Variants in NUP93 observed in about 807,000 individuals in gnomAD.
NUP93 encodes nucleoporin 93, also known as nuclear pore complex protein Nup93.
A neutral mutation model predicts 107.8 loss-of-function variants in NUP93; 55 were observed. That is an observed-to-expected ratio of 0.51 (90% confidence interval 0.41 to 0.64). The LOEUF is 0.64. Among genes scored for constraint, NUP93 ranks in the 30% least tolerant of loss-of-function variants. The pLI, the probability that NUP93 is intolerant of heterozygous loss-of-function variation, is 0.00. For synonymous variants in NUP93, 390 were observed against 397.5 expected, an observed-to-expected ratio of 0.98 and a Z score of 0.22; for missense variants, 937 against 1,044.7, an observed-to-expected ratio of 0.90 and a Z score of 1.42.
chr16:56,739,698 C>T (rs1353242516), intron 1 of NUP93, among the ~76,000 whole-genome samples: 56 of 129,758 alleles, frequency 4.3e-4, no homozygotes, highest in African/African-American at 1.4e-3. Flanking sequence ...CCCTCCCGGA[C>T]GGGGCGGCTG....
chr16:56,830,995 G>GC (rs1474602064), intron 10 of NUP93, among the ~76,000 whole-genome samples: 12 of 152,176 alleles, frequency 7.9e-5, no homozygotes, highest in African/African-American at 2.4e-4. Flanking sequence ...CATCAAGGAT[G>GC]CTTTATAAAA....
chr16:56,770,532 G>C (rs1384556657), intron 3 of NUP93, among the ~76,000 whole-genome samples: 1 of 152,182 alleles, frequency 6.6e-6, no homozygotes, highest in East Asian at 1.9e-4. Flanking sequence ...ACCCCCTCCA[G>C]TCACACAAAT....
At chr16:56,779,145 A>G (rs115098542) in intron 3 of NUP93, among the ~76,000 whole-genome samples, 2 of 152,226 alleles carry the variant, frequency 1.3e-5, no homozygotes, top group East Asian at 1.9e-4. Flanking sequence ...AGAACCTGGC[A>G]GAAGACAGAG....
At chr16:56,801,382 T>A (rs1246147689) in intron 4 of NUP93, among the ~76,000 whole-genome samples, 1 of 152,162 alleles carries the variant, frequency 6.6e-6, no homozygotes, top group Non-Finnish European at 1.5e-5. Context: ...CTGGGGGTGA[T>A]GCAATTAAGG....
chr16:56,819,466 T>A (rs1192436315), intron 6 of NUP93, among the ~76,000 whole-genome samples: 1 of 152,220 alleles, frequency 6.6e-6, no homozygotes, highest in African/African-American at 2.4e-5. Flanking sequence ...CCCTTAAGAT[T>A]ATCCTCCACC....
At chr16:56,745,656 G>A (rs1198231455) in intron 1 of NUP93, among the ~76,000 whole-genome samples, 1 of 152,116 alleles carries the variant, frequency 6.6e-6, no homozygotes, top group Non-Finnish European at 1.5e-5. Context: ...TGAGTTATGG[G>A]GCCATCATGG....
chr16:56,805,333 C>A lies in NUP93; in HGVS notation c.361-171C>A, dbSNP rs1963112318. On this transcript the variant is annotated intron_variant, in intron 4 of 21. Transcript: ENST00000308159. ...AAAATGCTGGGATTACAGGTGTAAA[C>A]CACCACGCTCAGCCAGTAAATTCTT... 6 of 687,366 alleles carry A rather than the reference C, an allele frequency of 8.7e-6. No individual in the cohort carries two copies. The Admixed American group carries it at 1.2e-4, about 14-fold the overall frequency. 42.6% of individuals were successfully genotyped at this position (687,366 alleles called of 1,614,324 possible). A position where few individuals can be genotyped will look rare whatever the true frequency, so the allele number is the denominator to read the frequency against.
chr16:56,766,832 A>G (rs1407729355), intron 3 of NUP93, among the ~76,000 whole-genome samples: 2 of 148,098 alleles, frequency 1.4e-5, no homozygotes, highest in Admixed American at 6.7e-5. Context: ...GATTACATAG[A>G]GGGGAGACCC....
In NUP93 at chr16:56,815,074, A is replaced by G. The variant is rs117977432; in HGVS notation, c.490-3590A>G. On this transcript the variant is annotated intron_variant, in intron 5 of 21. Coordinates refer to ENST00000308159, the MANE Select transcript of NUP93 (RefSeq NM_014669.5). ...AGAGCATTAGGCAAAATTAATTTAA[A>G]TGGAAATTTGAAGGCTGATACCCAG... is the stretch of plus-strand genomic sequence containing the variant. 3.5e-3 allele frequency among the ~76,000 whole-genome samples: 530 copies of G among 152,362 alleles called. 8 individuals are homozygous for G. In the Middle Eastern group the frequency reaches 0.058, roughly 17 times the overall value.
At chr16:56,825,242 G>T in intron 8 of NUP93, among the ~76,000 whole-genome samples, 1 of 126,846 alleles carries the variant, frequency 7.9e-6, no homozygotes, top group Non-Finnish European at 1.6e-5. Flanking sequence ...ATGGAGTTTC[G>T]CTCTTGTTGC....
chr16:56,748,034 T>G, intron 1 of NUP93, 200 bp from the exon 2 acceptor site: 1 of 427,126 alleles, frequency 2.3e-6, no homozygotes, highest in South Asian at 4.2e-5. Context: ...AAATGATCTG[T>G]TTTTTCACAG....
At chr16:56,756,814 G>A (rs1452427665) in intron 2 of NUP93, among the ~76,000 whole-genome samples, 1 of 152,066 alleles carries the variant, frequency 6.6e-6, no homozygotes, top group Non-Finnish European at 1.5e-5. Flanking sequence ...ATTATTTCCT[G>A]ACTTTTTAAT....
At chr16:56,775,616 G>A (rs2144510615) in intron 3 of NUP93, among the ~76,000 whole-genome samples, 1 of 152,290 alleles carries the variant, frequency 6.6e-6, no homozygotes, top group East Asian at 1.9e-4. Flanking sequence ...ATAAAACTGG[G>A]CCATTGTTTT....
chr16:56,770,179 AG>A (rs1434340241), intron 3 of NUP93, among the ~76,000 whole-genome samples: 3 of 152,228 alleles, frequency 2.0e-5, no homozygotes, highest in African/African-American at 7.2e-5. Context: ...GGAAGGGAGA[AG>A]GGGTGTCAGT....
At chr16:56,759,838 T>C (rs58261850) in intron 3 of NUP93, among the ~76,000 whole-genome samples, 138 of 152,296 alleles carry the variant, frequency 9.1e-4, no homozygotes, top group African/African-American at 3.0e-3. Context: ...GAAAGGGTTT[T>C]TGTTCGTTTT....
At chr16:56,794,782 G>T (rs1164702541) in intron 3 of NUP93, among the ~76,000 whole-genome samples, 1 of 151,798 alleles carries the variant, frequency 6.6e-6, no homozygotes, top group African/African-American at 2.4e-5. Flanking sequence ...CAAAAAATTA[G>T]CTGGGCGTGG....
chr16:56,827,180 G>A (rs189376799), intron 8 of NUP93, among the ~76,000 whole-genome samples: 5 of 150,672 alleles, frequency 3.3e-5, no homozygotes, highest in Admixed American at 2.6e-4. Flanking sequence ...TCTTGTTTTT[G>A]ACAAGAACAT....
At chr16:56,838,272 C>T (rs377119916) in intron 18 of NUP93, among the ~76,000 whole-genome samples, 23 of 152,196 alleles carry the variant, frequency 1.5e-4, no homozygotes, top group Middle Eastern at 3.4e-3. Flanking sequence ...GGTGCCTTCC[C>T]GGGGTAACAA....
intron 6 of NUP93, among the ~76,000 whole-genome samples, chr16:56,819,859 C>A (rs1224624724): frequency 6.6e-6 from 1 of 152,220 alleles, no homozygotes; most frequent in Non-Finnish European, 1.5e-5. Context: ...AGACTCCAGG[C>A]AGCTGAAACC....
Sources: allele counts gnomAD v4.1 joint callset (sites outside exome capture counted in the v4.1 genomes callset), GRCh38; gene constraint gnomAD v4.1.1; transcripts MANE v1.5; gene names NCBI Gene and HGNC (gene_info 2026-07-23, HGNC 2026-07-21).